FAM149A: variants seen among roughly 807,000 people sequenced by gnomAD.
FAM149A encodes the protein family with sequence similarity 149 member A, also known as protein FAM149A.
FAM149A carries 71 observed loss-of-function variants against 78.2 expected under a neutral mutation model. The ratio of observed to expected loss-of-function variants is 0.91; its 90% CI spans 0.75 to 1.11. The LOEUF is 1.11. FAM149A is among the 50% of genes least tolerant of loss of function. FAM149A has a pLI of 0.00. For synonymous variants in FAM149A, 446 were observed against 410.5 expected (o/e 1.09, Z -1.04); for missense variants, 1,036 against 971.0 (o/e 1.07, Z -0.89).
In FAM149A at chr4:186,105,038, C is replaced by T. The variant is rs531419350; in HGVS notation, c.-39C>T. On this transcript the variant is annotated 5_prime_UTR_variant, in exon 1 of 14. Transcript: ENST00000389354. ...CGGCCGGATCTCCGCGGTCTGAACTCTCGGGCGGCGGCGAGGACGGCGTGT... is the reference window on the plus strand; with the variant it reads ...CGGCCGGATCTCCGCGGTCTGAACTTTCGGGCGGCGGCGAGGACGGCGTGT... 3 of 1,262,964 alleles carry T rather than the reference C, an allele frequency of 2.4e-6. No homozygotes were observed. The highest frequency in any genetic ancestry group is 1.3e-5 in the South Asian group (1 of 79,358). The allele number at this position is 1,262,964 out of a possible 1,614,324, so 78.2% of individuals were successfully genotyped here. A position where few individuals can be genotyped will look rare whatever the true frequency, so the allele number is the denominator to read the frequency against.
At chr4:186,124,219 G>C (rs2099317278) in intron 1 of FAM149A, 1 of 985,110 alleles carries the variant, frequency 1.0e-6, no homozygotes, top group South Asian at 4.7e-5. Flanking sequence ...GGGTGGGTTG[G>C]CTTTCGGTTT....
At chr4:186,132,890 T>C in intron 1 of FAM149A, 1 of 886,790 alleles carries the variant, frequency 1.1e-6, no homozygotes, top group Non-Finnish European at 1.4e-6. Flanking sequence ...CTGTTTTGCT[T>C]TCACAGTCTT....
Position 186,144,229 on chromosome 4 carries a change from C to G in FAM149A, c.567-4944C>G, listed in dbSNP as rs1178445517. The G allele has an allele frequency of 6.6e-6, 1 of 152,230 alleles. No homozygotes were observed. Among genetic ancestry groups the G allele is most frequent in the Non-Finnish European group, 1.5e-5 (1 of 68,074 alleles). 9.4% of individuals were successfully genotyped at this position (152,230 alleles called of 1,614,324 possible). A position where few individuals can be genotyped will look rare whatever the true frequency, so the allele number is the denominator to read the frequency against. ...CACAGGAGAGCGTCCAGCTGCTCTG[C>G]TCCTGGTATAATCCTGGGCCTCCAA... On this transcript the variant is annotated intron_variant, in intron 1 of 13. Transcript: ENST00000389354. This position sits in a 1 kb window ranked among gnomAD's most constrained non-coding sequence, Gnocchi z 4.2.
At chr4:186,107,910 C>T (rs553359468) in intron 1 of FAM149A, among the ~76,000 whole-genome samples, 1 of 152,302 alleles carries the variant, frequency 6.6e-6, no homozygotes, top group Non-Finnish European at 1.5e-5. Context: ...TTCCCTTCCT[C>T]TCATCATACC....
At position 186,105,049 on chromosome 4, in the gene FAM149A, G is replaced by GCGAGGACGGCGTGTCCACTGT; in HGVS notation, c.-22_-2dup. ...CCGCGGTCTGAACTCTCGGGCGGCG[G>GCGAGGACGGCGTGTCCACTGT]CGAGGACGGCGTGTCCACTGTCGAG... On this transcript the variant is annotated 5_prime_UTR_variant, in exon 1 of 14. Coordinates refer to ENST00000389354, the MANE Select transcript of FAM149A (RefSeq NM_001367768.3). 7.9e-7 allele frequency: 1 copy of GCGAGGACGGCGTGTCCACTGT among 1,265,042 alleles called. No homozygotes were observed. Among genetic ancestry groups the GCGAGGACGGCGTGTCCACTGT allele is most frequent in the Non-Finnish European group, 1.0e-6 (1 of 978,240 alleles). The allele number at this position is 1,265,042 out of a possible 1,614,324, so 78.4% of individuals were successfully genotyped here. A position where few individuals can be genotyped will look rare whatever the true frequency, so the allele number is the denominator to read the frequency against.
intron 1 of FAM149A, among the ~76,000 whole-genome samples, chr4:186,147,162 C>T (rs1733117876): frequency 6.6e-6 from 1 of 152,160 alleles, no homozygotes; most frequent in African/African-American, 2.4e-5. Context: ...GCAGGAGGAT[C>T]ACTTGAGCCC....
Position 186,108,871 on chromosome 4 carries a change from G to A in FAM149A, c.566+3229G>A, listed in dbSNP as rs569451223. 1.8e-4 allele frequency among the ~76,000 whole-genome samples: 26 copies of A among 148,438 alleles called. No homozygotes were observed. The East Asian group carries it at 2.8e-3, about 16-fold the overall frequency. ...TCTGGTTTTTTTTTTTTTTTGAGAC[G>A]GAGTCTTGCTCTGTCGCCCAGGCTG... On this transcript the variant is annotated intron_variant, in intron 1 of 13. Coordinates refer to ENST00000389354, the MANE Select transcript of FAM149A (RefSeq NM_001367768.3).
chr4:186,150,910 C>A, intron 3 of FAM149A: 2 of 239,284 alleles, frequency 8.4e-6, no homozygotes, highest in Non-Finnish European at 1.4e-5. Context: ...TTAGTAGAGA[C>A]GGTGTTTCAC....
rs1296253094 is a variant in FAM149A at position 186,105,313 on chromosome 4, C to T, written c.237C>T (p.Ser79=). 1 of 1,170,954 alleles carries T rather than the reference C, an allele frequency of 8.5e-7. No homozygotes were observed. The highest frequency in any genetic ancestry group is 8.7e-5 in the East Asian group (1 of 11,454). The allele number at this position is 1,170,954 out of a possible 1,614,324, so 72.5% of individuals were successfully genotyped here. ...CCCCGCTGCTCTCCTCCCCCTACTC[C>T]CGGGGCTCCGCCGCCAGCCGCGCCG... The change falls in exon 1 of 14, where the codon TCC becomes TCT. Residue 79 remains serine (S), a synonymous_variant. Coordinates refer to ENST00000389354, the MANE Select transcript of FAM149A (RefSeq NM_001367768.3).
At chr4:186,116,426 C>G (rs146141411) in intron 1 of FAM149A, 12 of 981,722 alleles carry the variant, frequency 1.2e-5, no homozygotes, top group Non-Finnish European at 1.3e-5. Flanking sequence ...CCCTCATGAC[C>G]GTTACTTTCT....
chr4:186,145,362 G>A (rs1732951996), intron 1 of FAM149A, among the ~76,000 whole-genome samples: 2 of 152,184 alleles, frequency 1.3e-5, no homozygotes, highest in Non-Finnish European at 2.9e-5. Context: ...GTGCTGAGGA[G>A]CGGCTTCCCA....
chr4:186,141,324 A>G (rs1482382397), intron 1 of FAM149A, among the ~76,000 whole-genome samples: 2 of 152,236 alleles, frequency 1.3e-5, no homozygotes, highest in Admixed American at 6.5e-5. Context: ...AATTAAAAAT[A>G]TCTAATTACC....
intron 7 of FAM149A, among the ~76,000 whole-genome samples, chr4:186,156,567 G>A (rs7697762): frequency 1.3e-5 from 2 of 151,700 alleles, no homozygotes; most frequent in African/African-American, 2.4e-5. Flanking sequence ...CCAGCTACTC[G>A]GGAGGCTGAG....
At chr4:186,140,352 C>A (rs1027820050) in intron 1 of FAM149A, among the ~76,000 whole-genome samples, 2 of 151,716 alleles carry the variant, frequency 1.3e-5, no homozygotes, top group African/African-American at 4.8e-5. Context: ...GGCTGGAGTA[C>A]TGCAGCCTCC....
intron 7 of FAM149A, among the ~76,000 whole-genome samples, chr4:186,156,918 G>GCGAGCTA (rs1734076360): frequency 2.5e-5 from 1 of 39,228 alleles, no homozygotes; most frequent in African/African-American, 4.9e-5. Context: ...AGTATTGAAA[G>GCGAGCTA]TGAGCACTCC....
intron 1 of FAM149A, among the ~76,000 whole-genome samples, chr4:186,143,420 C>G (rs1375052965): frequency 6.6e-6 from 1 of 151,236 alleles, no homozygotes; most frequent in Non-Finnish European, 1.5e-5. Flanking sequence ...ACACACATCA[C>G]ACATATACAC....
At chr4:186,122,007 C>G (rs1335773513) in intron 1 of FAM149A, among the ~76,000 whole-genome samples, 1 of 152,222 alleles carries the variant, frequency 6.6e-6, no homozygotes, top group South Asian at 2.1e-4. Flanking sequence ...TGGCACCATG[C>G]TAGGCCTGCC....
chr4:186,153,549 C>T (rs745960523), intron 4 of FAM149A, 96 bp from the exon 5 acceptor site: 18 of 1,525,086 alleles, frequency 1.2e-5, no homozygotes, highest in Non-Finnish European at 1.4e-5. Flanking sequence ...TTATCATACA[C>T]ATGCCTTCAA....
chr4:186,110,312 G>A, intron 1 of FAM149A: 1 of 978,530 alleles, frequency 1.0e-6, no homozygotes, highest in Non-Finnish European at 1.2e-6. Flanking sequence ...TCCAAAGTTA[G>A]TAATGCTTGC....
Sources: gnomAD v4.1 joint callset for allele counts (sites outside exome capture counted in the v4.1 genomes callset) on GRCh38, gnomAD v4.1.1 for gene constraint, Gnocchi (gnomAD v3.1) non-coding constraint, MANE v1.5 for transcripts, NCBI Gene and HGNC (gene_info 2026-07-23, HGNC 2026-07-21) for gene names.